PLOD2: variants seen among roughly 807,000 people sequenced by gnomAD.
The protein encoded by PLOD2 is lysine hydroxylase 2.
Under a neutral mutation model 101.0 loss-of-function variants are expected in PLOD2, and 65 were observed. The observed-to-expected ratio is 0.64, with a 90% CI of 0.53 to 0.79. PLOD2 has a LOEUF of 0.79. Among genes scored for constraint, PLOD2 ranks in the 30% least tolerant of loss-of-function variants. The probability of loss-of-function intolerance (pLI) is 0.00; values close to 1 mark genes in which losing one functional copy is unlikely to be tolerated. For synonymous variants in PLOD2, 314 were observed against 302.9 expected (o/e 1.04, Z -0.38); for missense variants, 909 against 914.6 (o/e 0.99, Z 0.08).
intron 15 of PLOD2, among the ~76,000 whole-genome samples, chr3:146,075,400 T>C (rs1936292503): frequency 6.7e-6 from 1 of 149,088 alleles, no homozygotes; most frequent in Admixed American, 6.8e-5. Flanking sequence ...AGACAGCATT[T>C]TCCCTTGAAT....
intron 19 of PLOD2, 71 bp downstream of exon 19, chr3:146,070,971 C>T (rs1936104210): frequency 1.3e-6 from 2 of 1,514,038 alleles, no homozygotes; most frequent in East Asian, 2.3e-5. Context: ...GAAACTAAGG[C>T]CTAAGGCAAA....
chr3:146,132,974 C>G (rs1329641992), intron 1 of PLOD2, among the ~76,000 whole-genome samples: 1 of 152,040 alleles, frequency 6.6e-6, no homozygotes, highest in Non-Finnish European at 1.5e-5. Context: ...GTCAGGAGAT[C>G]GAGACCATCC....
At chr3:146,095,870 TCTCCCC>T (rs1937132420) in intron 7 of PLOD2, among the ~76,000 whole-genome samples, 1 of 114,898 alleles carries the variant, frequency 8.7e-6, no homozygotes, top group Non-Finnish European at 1.8e-5. Flanking sequence ...CCCTCTCCCC[TCTCCCC>T]TCTCCCCTCT....
At position 146,081,872 on chromosome 3, in the gene PLOD2, A is replaced by G; in HGVS notation, c.1233-9T>C. The G allele has an allele frequency of 1.9e-6, 3 of 1,610,596 alleles. No individual in the cohort carries two copies. The highest frequency in any genetic ancestry group is 2.5e-6 in the Non-Finnish European group (3 of 1,177,194). On this transcript the variant is annotated splice_polypyrimidine_tract_variant and intron_variant, in intron 11 of 19. Coordinates refer to ENST00000282903, the MANE Select transcript of PLOD2 (RefSeq NM_182943.3). Reference sequence around the variant, plus strand: ...GAGGAGCAATGATCTTTCTAAAGACAGAGAGAGTGTGTGTGAGAGAGAGAA... The same window carrying G: ...GAGGAGCAATGATCTTTCTAAAGACGGAGAGAGTGTGTGTGAGAGAGAGAA...
intron 1 of PLOD2, among the ~76,000 whole-genome samples, chr3:146,146,392 C>T (rs1170391): frequency 0.69 from 104,264 of 151,946 alleles, 36,140 homozygotes; most frequent in East Asian, 0.8. Context: ...AACAGATGGT[C>T]CTATCCCTAT....
chr3:146,153,288 CT>C (rs2032151280), intron 1 of PLOD2, among the ~76,000 whole-genome samples: 1 of 152,136 alleles, frequency 6.6e-6, no homozygotes, highest in Non-Finnish European at 1.5e-5. Context: ...AATTTAAATT[CT>C]GTATTTGCAG....
At chr3:146,144,754 A>G (rs1210872077) in intron 1 of PLOD2, among the ~76,000 whole-genome samples, 1 of 152,058 alleles carries the variant, frequency 6.6e-6, no homozygotes. Flanking sequence ...AAAATATACT[A>G]TTTTGTAAAT....
At chr3:146,139,743 C>T (rs1430339603) in intron 1 of PLOD2, among the ~76,000 whole-genome samples, 1 of 152,102 alleles carries the variant, frequency 6.6e-6, no homozygotes, top group Non-Finnish European at 1.5e-5. Context: ...TGTACAAATG[C>T]CATCACTTTA....
chr3:146,076,960 A>T, intron 14 of PLOD2, 65 bp from the exon 15 acceptor site: 1 of 1,339,494 alleles, frequency 7.5e-7, no homozygotes, highest in Non-Finnish European at 1.0e-6. Flanking sequence ...TAATCATAGG[A>T]AAAATATATA....
At chr3:146,143,113 C>T (rs982927715) in intron 1 of PLOD2, among the ~76,000 whole-genome samples, 2 of 152,072 alleles carry the variant, frequency 1.3e-5, no homozygotes, top group Admixed American at 1.3e-4. Context: ...TAGAGTTAAA[C>T]ACTCCGACCG....
chr3:146,113,057 T>A (rs1280745470), intron 3 of PLOD2, among the ~76,000 whole-genome samples: 1 of 152,174 alleles, frequency 6.6e-6, no homozygotes, highest in East Asian at 1.9e-4. Flanking sequence ...GAAACCCTAA[T>A]GATGGATACA....
intron 3 of PLOD2, among the ~76,000 whole-genome samples, chr3:146,119,829 A>C (rs2029940336): frequency 6.6e-6 from 1 of 152,068 alleles, no homozygotes; most frequent in African/African-American, 2.4e-5. Context: ...CATTTTCTTA[A>C]TCCAGTCTAT....
chr3:146,116,905 G>A (rs777251940), intron 3 of PLOD2, among the ~76,000 whole-genome samples: 9 of 152,050 alleles, frequency 5.9e-5, no homozygotes, highest in South Asian at 4.2e-4. Flanking sequence ...AATTTTAAAC[G>A]TTCATCCAAA....
chr3:146,110,482 C>T (rs1268018217), intron 3 of PLOD2, 34 bp from the exon 4 acceptor site: 7 of 1,561,308 alleles, frequency 4.5e-6, no homozygotes, highest in Non-Finnish European at 6.2e-6. Flanking sequence ...TTTTAAAATA[C>T]ACTTGTCAGA....
intron 1 of PLOD2, among the ~76,000 whole-genome samples, chr3:146,156,392 T>C (rs2032304037): frequency 6.6e-6 from 1 of 152,270 alleles, no homozygotes; most frequent in Admixed American, 6.5e-5. Context: ...ACTACTCAGC[T>C]CTGCCTTGTA....
chr3:146,141,517 A>G (rs973968071), intron 1 of PLOD2, among the ~76,000 whole-genome samples: 3 of 152,068 alleles, frequency 2.0e-5, no homozygotes, highest in Non-Finnish European at 4.4e-5. Context: ...GAGCCCTGCA[A>G]ATACTCCTCA....
intron 1 of PLOD2, among the ~76,000 whole-genome samples, chr3:146,132,211 G>T (rs1261647814): frequency 6.6e-6 from 1 of 152,128 alleles, no homozygotes; most frequent in African/African-American, 2.4e-5. Context: ...CAGGGCTGAG[G>T]AGATTCCAGA....
chr3:146,082,755 C>A lies in PLOD2; in HGVS notation c.1233-892G>T, dbSNP rs370575471. On this transcript the variant is annotated intron_variant, in intron 11 of 19. Coordinates refer to ENST00000282903, the MANE Select transcript of PLOD2 (RefSeq NM_182943.3). ...ATAATACCAAAAAAAGTTAGCCAGG[C>A]ATGGTGGCACGCACCTATAATCCCA... 9.2e-5 allele frequency among the ~76,000 whole-genome samples: 14 copies of A among 152,204 alleles called. No individual in the cohort carries two copies. The East Asian group carries it at 2.3e-3, about 25-fold the overall frequency.
rs374260673 is a variant in PLOD2 at position 146,071,260 on chromosome 3, G to A, written c.1995+17C>T. On this transcript the variant is annotated intron_variant, in intron 18 of 19. Transcript: ENST00000282903. ...AAATGGGTAAGAAATAGGCTGGAGG[G>A]GTGAGAGGATAACTACCTTCGTATA... 12 of 1,611,640 alleles carry A rather than the reference G, an allele frequency of 7.4e-6. No homozygotes were observed. In the Admixed American group the frequency reaches 8.4e-5, roughly 11 times the overall value.
Sources: allele counts gnomAD v4.1 joint callset (sites outside exome capture counted in the v4.1 genomes callset), GRCh38; gene constraint gnomAD v4.1.1; transcripts MANE v1.5; gene names NCBI Gene and HGNC (gene_info 2026-07-23, HGNC 2026-07-21).